XK: variants seen among roughly 807,000 people sequenced by gnomAD.
XK encodes endoplasmic reticulum membrane adapter protein XK.
A neutral mutation model predicts 14.0 loss-of-function variants in XK; 2 were observed. The ratio of observed to expected loss-of-function variants is 0.14; its 90% CI spans 0.06 to 0.45. XK has a LOEUF of 0.45. XK is among the 20% of genes least tolerant of loss of function. The probability of loss-of-function intolerance (pLI) is 0.98; values close to 1 mark genes in which losing one functional copy is unlikely to be tolerated. For synonymous variants in XK, 149 were observed against 147.5 expected (o/e 1.01, Z -0.08); for missense variants, 235 against 341.5 (o/e 0.69, Z 2.46).
intron 1 of XK, among the ~76,000 whole-genome samples, chrX:37,688,027 ATTTCTTTCTTTCTTTC>A (rs61667945): frequency 2.6e-5 from 2 of 77,285 alleles, no homozygotes; most frequent in African/African-American, 5.1e-5. Flanking sequence ...GGCACTTATC[ATTTCTTTCTTTCTTTC>A]TTTCTTTCTT....
intron 2 of XK, among the ~76,000 whole-genome samples, chrX:37,707,882 C>T (rs1461214109): frequency 4.5e-5 from 5 of 112,239 alleles, no homozygotes; most frequent in Non-Finnish European, 7.5e-5. Flanking sequence ...TGTAGCAAGC[C>T]AAGATCACGC....
chrX:37,715,503 A>G (rs1301816148), intron 2 of XK, among the ~76,000 whole-genome samples: 2 of 111,717 alleles, frequency 1.8e-5, no homozygotes, highest in African/African-American at 3.3e-5. Flanking sequence ...AAAGTGTTCT[A>G]TTGCAGGGTG....
At chrX:37,706,890 C>G (rs1006697820) in intron 2 of XK, among the ~76,000 whole-genome samples, 2 of 110,945 alleles carry the variant, frequency 1.8e-5, no homozygotes, top group African/African-American at 3.3e-5. Context: ...CTTGCACCCC[C>G]CTTAATCCAT....
At chrX:37,718,070 A>G (rs1157192432) in intron 2 of XK, among the ~76,000 whole-genome samples, 5 of 111,594 alleles carry the variant, frequency 4.5e-5, no homozygotes, top group Non-Finnish European at 3.8e-5. Flanking sequence ...GTTTTTTCAA[A>G]TACATATTAT....
chrX:37,701,915 C>G (rs933333760), intron 2 of XK, among the ~76,000 whole-genome samples: 3 of 111,558 alleles, frequency 2.7e-5, no homozygotes, highest in Non-Finnish European at 5.7e-5. Context: ...CTCTGGTGTC[C>G]CTTTTTCTCC....
At chrX:37,692,791 G>A (rs1927227087) in intron 1 of XK, among the ~76,000 whole-genome samples, 1 of 112,451 alleles carries the variant, frequency 8.9e-6, no homozygotes, top group Non-Finnish European at 1.9e-5. Flanking sequence ...ATTAATTTGA[G>A]TTTTCCTTCA....
intron 2 of XK, among the ~76,000 whole-genome samples, chrX:37,713,111 G>T (rs945864224): frequency 9.0e-6 from 1 of 111,728 alleles, no homozygotes; most frequent in Non-Finnish European, 1.9e-5. Flanking sequence ...AATAGCAGTC[G>T]TTTCTCTTCC....
rs141949868 is a variant in XK, at chrX:37,727,450, A to T, written c.509-186A>T. ...TTCAGCCTGACAGGCACCTGGATGCAGCAGCTTTCTGCAGTTCTGGAAAAC... is the reference window on the plus strand; with the variant it reads ...TTCAGCCTGACAGGCACCTGGATGCTGCAGCTTTCTGCAGTTCTGGAAAAC... On this transcript the variant is annotated intron_variant, in intron 2 of 2. Transcript: ENST00000378616. Among the ~76,000 whole-genome samples, 424 of 111,403 alleles carry T rather than the reference A, an allele frequency of 3.8e-3. 1 individual carries two copies. Among genetic ancestry groups the T allele is most frequent in the Non-Finnish European group, 7.1e-3 (374 of 53,032 alleles).
chrX:37,716,089 G>A (rs782011088), intron 2 of XK, among the ~76,000 whole-genome samples: 5 of 112,123 alleles, frequency 4.5e-5, no homozygotes, highest in Non-Finnish European at 7.5e-5. Flanking sequence ...TTAGGGAAAC[G>A]TGTAACTGCT....
chrX:37,688,059 C>CTTTTTTTT (rs1222330719), intron 1 of XK, among the ~76,000 whole-genome samples: 5 of 54,657 alleles, frequency 9.1e-5, no homozygotes, highest in Admixed American at 4.0e-4. Flanking sequence ...TTCTTTCTTT[C>CTTTTTTTT]TTTTTTTTTT....
rs374119011 is a variant in XK at position 37,724,822 on chromosome X, T to TA, written c.509-2803dup. The stretch of plus-strand genomic sequence containing the variant: ...AACAATAAGAAAACAAACAATCAAG[T>TA]AAAAAAAAAAATGGGCCAAAGACCT... On this transcript the variant is annotated intron_variant, in intron 2 of 2. Coordinates refer to ENST00000378616, the MANE Select transcript of XK (RefSeq NM_021083.4). Among the ~76,000 whole-genome samples the TA allele has an allele frequency of 6.1e-3, 617 of 100,504 alleles. 7 individuals carry two copies. Among genetic ancestry groups the TA allele is most frequent in the African/African-American group, 0.018 (510 of 27,769 alleles). 87.3% of individuals were successfully genotyped at this position (100,504 alleles called of 115,157 possible).
chrX:37,704,771 G>A (rs1268474317), intron 2 of XK, among the ~76,000 whole-genome samples: 2 of 111,174 alleles, frequency 1.8e-5, no homozygotes, highest in African/African-American at 6.6e-5. Flanking sequence ...GGAGGTGGAG[G>A]TGGCAGTGGG....
At chrX:37,726,893 TC>T (rs1469720097) in intron 2 of XK, among the ~76,000 whole-genome samples, 1 of 111,997 alleles carries the variant, frequency 8.9e-6, no homozygotes, top group African/African-American at 3.2e-5. Context: ...GTTTAAAAGA[TC>T]CTGCAGATAT....
rs1556450373 is a variant in XK at position 37,727,859 on chromosome X, C to T, written c.732C>T (p.Asn244=). The T allele has an allele frequency of 5.8e-6, 7 of 1,209,175 alleles. No individual in the cohort carries two copies. Among genetic ancestry groups the T allele is most frequent in the Non-Finnish European group, 7.8e-6 (7 of 894,959 alleles). ...KTWVVVIILI[N]FFSFFLYPWI... ...GGGTGGTGGTTATAATACTCATCAA[C>T]TTCTTCAGTTTCTTCTTGTACCCCT... Residue 244 remains asparagine (N), a synonymous_variant, in exon 3 of 3, where the codon AAC becomes AAT. Coordinates refer to ENST00000378616, the MANE Select transcript of XK (RefSeq NM_021083.4).
chrX:37,726,355 G>T (rs1442822128), intron 2 of XK, among the ~76,000 whole-genome samples: 4 of 111,854 alleles, frequency 3.6e-5, no homozygotes, highest in African/African-American at 1.3e-4. Context: ...GAAGCAGCAG[G>T]CATGGAAGGG....
At chrX:37,701,553 TCAC>T (rs28941168) in intron 2 of XK, among the ~76,000 whole-genome samples, 3,696 of 112,626 alleles carry the variant, frequency 0.033, 148 homozygotes, top group African/African-American at 0.11. Context: ...AGATCCTAGT[TCAC>T]CACTTTCTGG....
chrX:37,688,483 C>T (rs1368821723), intron 1 of XK, among the ~76,000 whole-genome samples: 1 of 111,859 alleles, frequency 8.9e-6, no homozygotes, highest in Non-Finnish European at 1.9e-5. Context: ...TTGATATGTA[C>T]TTACATGCCT....
chrX:37,730,682 C>G lies in XK; in HGVS notation c.*2220C>G, dbSNP rs1177865271. 8.9e-6 allele frequency: 1 copy of G among 112,523 alleles called. No individual in the cohort carries two copies. Among genetic ancestry groups the G allele is most frequent in the East Asian group, 2.8e-4 (1 of 3,599 alleles). The allele number at this position is 112,523 out of a possible 1,213,427, so 9.3% of individuals were successfully genotyped here. ...GAGGTGTGGGAGTAGCCACCAGCCTCCCACTGACTAGGCATGTTAGGAATT... is the reference window on the plus strand; with the variant it reads ...GAGGTGTGGGAGTAGCCACCAGCCTGCCACTGACTAGGCATGTTAGGAATT... On this transcript the variant is annotated 3_prime_UTR_variant, in exon 3 of 3. Coordinates refer to ENST00000378616, the MANE Select transcript of XK (RefSeq NM_021083.4).
intron 2 of XK, among the ~76,000 whole-genome samples, chrX:37,714,035 G>A (rs1927716972): frequency 9.0e-6 from 1 of 111,552 alleles, no homozygotes; most frequent in African/African-American, 3.3e-5. Flanking sequence ...TGAGGTTTAG[G>A]AAGTTTAAGG....
Sources: allele counts gnomAD v4.1 joint callset (sites outside exome capture counted in the v4.1 genomes callset), GRCh38; gene constraint gnomAD v4.1.1; transcripts MANE v1.5; gene names NCBI Gene and HGNC (gene_info 2026-07-23, HGNC 2026-07-21).